The following SLC39A11 variants were observed in gnomAD, a reference collection of about 807,000 sequenced individuals.
The protein encoded by SLC39A11 is solute carrier family 39 member 11, also known as zinc transporter ZIP11.
Under a neutral mutation model 36.1 loss-of-function variants are expected in SLC39A11, and 33 were observed. That is an observed-to-expected ratio of 0.91 (90% CI 0.69 to 1.22). SLC39A11 has a LOEUF of 1.22. SLC39A11 is among the 50% of genes most tolerant of loss of function. SLC39A11 has a pLI of 0.00. For missense variants in SLC39A11, 432 were observed against 430.3 expected (o/e 1.00, Z -0.03); for synonymous variants, 166 against 170.3 (o/e 0.97, Z 0.20).
intron 4 of SLC39A11, among the ~76,000 whole-genome samples, chr17:73,003,003 C>T (rs1361132092): frequency 6.6e-6 from 1 of 152,212 alleles, no homozygotes; most frequent in South Asian, 2.1e-4. Flanking sequence ...CCCATCTCCA[C>T]ATCCTTAACT....
At chr17:72,890,222 G>A (rs181053945) in intron 5 of SLC39A11, among the ~76,000 whole-genome samples, 45 of 151,276 alleles carry the variant, frequency 3.0e-4, no homozygotes, top group African/African-American at 9.9e-4. Context: ...CCGAGATAGC[G>A]CCACTGCACT....
chr17:73,007,499 A>G (rs909437599), intron 4 of SLC39A11, among the ~76,000 whole-genome samples: 3 of 152,198 alleles, frequency 2.0e-5, no homozygotes, highest in Non-Finnish European at 4.4e-5. Context: ...CAATGGCCAA[A>G]ACCTGAAAAG....
chr17:72,865,349 C>A (rs567948288), intron 5 of SLC39A11, among the ~76,000 whole-genome samples: 74 of 142,742 alleles, frequency 5.2e-4, no homozygotes, highest in African/African-American at 1.9e-3. Context: ...TATGCACCAA[C>A]AGAGAGAGAC....
intron 7 of SLC39A11, among the ~76,000 whole-genome samples, chr17:72,657,965 G>C (rs1446745373): frequency 6.6e-6 from 1 of 152,184 alleles, no homozygotes; most frequent in Non-Finnish European, 1.5e-5. Flanking sequence ...GCTGTCTCCA[G>C]CCCAGCCCTG....
chr17:73,043,229 T>C (rs2059166713), intron 3 of SLC39A11, among the ~76,000 whole-genome samples: 1 of 151,930 alleles, frequency 6.6e-6, no homozygotes, highest in Non-Finnish European at 1.5e-5. Flanking sequence ...AAGCGCAGAG[T>C]GGGCAGAGTC....
chr17:72,654,878 G>A (rs1398164673), intron 7 of SLC39A11, among the ~76,000 whole-genome samples: 4 of 152,320 alleles, frequency 2.6e-5, no homozygotes, highest in South Asian at 4.1e-4. Flanking sequence ...GTGACATAGC[G>A]CTGACTACAG....
At chr17:72,680,946 T>G (rs914818357) in intron 7 of SLC39A11, among the ~76,000 whole-genome samples, 1 of 152,140 alleles carries the variant, frequency 6.6e-6, no homozygotes, top group African/African-American at 2.4e-5. Context: ...TTCGGTTTCT[T>G]TGTTTGTTTT....
intron 7 of SLC39A11, among the ~76,000 whole-genome samples, chr17:72,700,289 G>A (rs940184386): frequency 2.0e-5 from 3 of 152,188 alleles, no homozygotes; most frequent in Non-Finnish European, 4.4e-5. Context: ...CAGTTGGGGT[G>A]GAGCGGTCAT....
chr17:72,761,235 C>T (rs1184445985), intron 6 of SLC39A11, among the ~76,000 whole-genome samples: 1 of 152,116 alleles, frequency 6.6e-6, no homozygotes, highest in Non-Finnish European at 1.5e-5. Flanking sequence ...CTGCTTCAGC[C>T]TCTTGAGTAG....
chr17:72,943,588 C>T (rs1205560910), intron 5 of SLC39A11, among the ~76,000 whole-genome samples: 1 of 152,170 alleles, frequency 6.6e-6, no homozygotes, highest in Non-Finnish European at 1.5e-5. Context: ...TTTCCCCCAA[C>T]ACTTCAGAAA....
rs543387677 is a variant in SLC39A11, at chr17:72,766,755, A to G, written c.602-30036T>C. ...CTAGTGACAAAGCAGGAGCATTGCCATCTTGGACAAGCACTGTCATTTTTT... is the reference window on the plus strand; with the variant it reads ...CTAGTGACAAAGCAGGAGCATTGCCGTCTTGGACAAGCACTGTCATTTTTT... On this transcript the variant is annotated intron_variant, in intron 6 of 9. Transcript: ENST00000255559. Among the ~76,000 whole-genome samples, 6 of 152,340 alleles carry G rather than the reference A, an allele frequency of 3.9e-5. No homozygotes were observed. The East Asian group carries it at 9.6e-4, about 24-fold the overall frequency.
intron 5 of SLC39A11, among the ~76,000 whole-genome samples, chr17:72,896,792 T>C (rs1273063994): frequency 6.6e-6 from 1 of 151,850 alleles, no homozygotes; most frequent in Non-Finnish European, 1.5e-5. Context: ...GGCTCACACC[T>C]GTAATCCCAG....
chr17:72,937,514 A>T (rs1418860723), intron 5 of SLC39A11, among the ~76,000 whole-genome samples: 1 of 152,180 alleles, frequency 6.6e-6, no homozygotes, highest in Non-Finnish European at 1.5e-5. Context: ...AGCTGGCCTC[A>T]GAAGGTCTGT....
intron 7 of SLC39A11, among the ~76,000 whole-genome samples, chr17:72,686,352 G>A (rs1009759559): frequency 1.3e-5 from 2 of 152,140 alleles, no homozygotes; most frequent in African/African-American, 2.4e-5. Context: ...CTTGCTATGT[G>A]GCGACAGACC....
intron 4 of SLC39A11, among the ~76,000 whole-genome samples, chr17:73,023,212 T>C (rs1467207073): frequency 6.6e-6 from 1 of 151,116 alleles, no homozygotes; most frequent in Non-Finnish European, 1.5e-5. Flanking sequence ...CTACCATCTT[T>C]CAATCACAGT....
chr17:73,088,857 G>T, intron 1 of SLC39A11, 82 bp from the exon 2 acceptor site: 2 of 1,025,522 alleles, frequency 2.0e-6, no homozygotes, highest in South Asian at 2.7e-5. Context: ...CTAACACCCT[G>T]TGTGGGAGCT....
chr17:72,740,051 C>CCTT (rs2074608152), intron 6 of SLC39A11, among the ~76,000 whole-genome samples: 2 of 97,654 alleles, frequency 2.0e-5, no homozygotes, highest in African/African-American at 8.3e-5. Context: ...AATTTCTTTC[C>CCTT]TTTTCTTTTT....
At chr17:73,028,120 C>A (rs535564135) in intron 4 of SLC39A11, among the ~76,000 whole-genome samples, 4 of 152,170 alleles carry the variant, frequency 2.6e-5, no homozygotes, top group Non-Finnish European at 5.9e-5. Flanking sequence ...GGGACTCCAT[C>A]ATCAGGGGAA....
intron 3 of SLC39A11, among the ~76,000 whole-genome samples, chr17:73,069,352 G>A (rs2060091774): frequency 6.6e-6 from 1 of 152,116 alleles, no homozygotes; most frequent in Admixed American, 6.6e-5. Context: ...TTGCAGGGAG[G>A]GATTATATCT....
Sources: gnomAD v4.1 joint callset for allele counts (sites outside exome capture counted in the v4.1 genomes callset) on GRCh38, gnomAD v4.1.1 for gene constraint, MANE v1.5 for transcripts, NCBI Gene and HGNC (gene_info 2026-07-23, HGNC 2026-07-21) for gene names.